ZNF43: variants seen among roughly 807,000 people sequenced by gnomAD.
The protein encoded by ZNF43 is zinc finger protein 43, also known as zinc finger protein 39-like 1 (KOX 27).
In ZNF43, 44 loss-of-function variants were observed where a neutral mutation model predicts 68.4. The observed-to-expected ratio is 0.64, with a 90% confidence interval of 0.51 to 0.83. ZNF43 has a LOEUF of 0.83. Among genes scored for constraint, ZNF43 ranks in the 40% least tolerant of loss-of-function variants. The pLI is 0.00. For missense variants in ZNF43, 896 were observed against 933.2 expected, an observed-to-expected ratio of 0.96 and a Z score of 0.52; for synonymous variants, 308 against 307.8, an observed-to-expected ratio of 1.00 and a Z score of -0.01.
chr19:21,846,165 C>T (rs867088562), intron 1 of ZNF43, among the ~76,000 whole-genome samples: 3 of 152,120 alleles, frequency 2.0e-5, no homozygotes, highest in Middle Eastern at 3.2e-3. Context: ...AGTCAGATAA[C>T]GTAGGAGCTG....
chr19:21,815,508 T>TATATATATATA (rs1568355553), intron 3 of ZNF43, among the ~76,000 whole-genome samples: 3 of 148,896 alleles, frequency 2.0e-5, no homozygotes, highest in African/African-American at 5.0e-5. Flanking sequence ...TATATATATA[T>TATATATATATA]TTTGCAGAAT....
At chr19:21,825,985 G>A (rs2038101495) in intron 1 of ZNF43, among the ~76,000 whole-genome samples, 1 of 152,140 alleles carries the variant, frequency 6.6e-6, no homozygotes, top group African/African-American at 2.4e-5. Flanking sequence ...AGAGGCAGAG[G>A]TTGCAGTAGG....
rs1249054100 is a variant in ZNF43 at position 21,805,976 on chromosome 19, A to AT, written c.*1630dup. ...AGTTATATTTACATGTAATCTAAAA[A>AT]TTTAAAAATGTACATTTAATTACAT... is the stretch of plus-strand genomic sequence containing the variant. On this transcript the variant is annotated 3_prime_UTR_variant, in exon 4 of 4. Transcript: ENST00000354959. 6.6e-6 allele frequency: 1 copy of AT among 152,178 alleles called. No homozygotes were observed. The highest frequency in any genetic ancestry group is 1.5e-5 in the Non-Finnish European group (1 of 68,048). 9.4% of individuals were successfully genotyped at this position (152,178 alleles called of 1,614,324 possible). A position where few individuals can be genotyped will look rare whatever the true frequency, so the allele number is the denominator to read the frequency against.
chr19:21,828,848 A>G (rs2038270943), intron 1 of ZNF43, among the ~76,000 whole-genome samples: 1 of 151,600 alleles, frequency 6.6e-6, no homozygotes, highest in South Asian at 2.1e-4. Context: ...CCTGGCTAAC[A>G]CGGTGAAACC....
chr19:21,836,148 A>G lies in ZNF43; in HGVS notation c.-110T>C, dbSNP rs1169344770. ...AGCAGCAGAGGACACAGAAGAACGA[A>G]GACGAGACGCAGAGCTCCAACTGCA... On this transcript the variant is annotated 5_prime_UTR_variant, in exon 1 of 4. Transcript: ENST00000354959. 3 of 1,582,294 alleles carry G rather than the reference A, an allele frequency of 1.9e-6. No homozygotes were observed. Among genetic ancestry groups the G allele is most frequent in the East Asian group, 4.5e-5 (2 of 44,570 alleles).
chr19:21,822,732 G>A (rs907232247), intron 1 of ZNF43, among the ~76,000 whole-genome samples: 16 of 152,008 alleles, frequency 1.1e-4, no homozygotes, highest in African/African-American at 3.9e-4. Flanking sequence ...GTGAACCCAG[G>A]AGGCGGAGCT....
rs1310761266 is a variant in ZNF43, at chr19:21,844,921, A to AAAAAATAT, written c.30+6983_30+6984insATATTTTT. ...CAAAAAAAAAAAAAAAAAAAAAAAAAATATATATATATATATATATATATA... is the reference window on the plus strand; with the variant it reads ...CAAAAAAAAAAAAAAAAAAAAAAAAAAAAAATATATATATATATATATATATATATATA... On this transcript the variant is annotated intron_variant, in intron 1 of 3. Coordinates refer to the ZNF43 transcript ENST00000357491. 1.6e-3 allele frequency among the ~76,000 whole-genome samples: 42 copies of AAAAAATAT among 26,044 alleles called. 2 individuals carry two copies. The highest frequency in any genetic ancestry group is 4.4e-3 in the African/African-American group (20 of 4,596). The allele number at this position is 26,044 out of a possible 152,430, so 17.1% of individuals were successfully genotyped here.
chr19:21,824,164 GC>G, intron 1 of ZNF43, among the ~76,000 whole-genome samples: 1 of 152,114 alleles, frequency 6.6e-6, no homozygotes, highest in Non-Finnish European at 1.5e-5. Context: ...CCAGCCCAGG[GC>G]GACAGTGAGA....
chr19:21,826,064 A>G (rs1294318097), intron 1 of ZNF43, among the ~76,000 whole-genome samples: 1 of 152,158 alleles, frequency 6.6e-6, no homozygotes. Context: ...AATAAAAAAT[A>G]ATAAATGAAG....
In ZNF43 at chr19:21,834,798, AAAG is replaced by A. The variant is rs1043157608; in HGVS notation, c.3+1235_3+1237del. ...GAAGGAAGGAAGGAAGGAAGGAAAG[AAAG>A]AAGAAGGAAAGAAGAAAGGAAAATT... On this transcript the variant is annotated intron_variant, in intron 1 of 3. Transcript: ENST00000354959. Among the ~76,000 whole-genome samples, 9 of 151,918 alleles carry A rather than the reference AAAG, an allele frequency of 5.9e-5. No individual in the cohort carries two copies. The South Asian group carries it at 6.2e-4, about 11-fold the overall frequency.
At chr19:21,830,519 A>G (rs193153848) in intron 1 of ZNF43, among the ~76,000 whole-genome samples, 3 of 151,676 alleles carry the variant, frequency 2.0e-5, no homozygotes, top group African/African-American at 7.2e-5. Flanking sequence ...AATCTAGAAT[A>G]GATCAATTCC....
intron 1 of ZNF43, among the ~76,000 whole-genome samples, chr19:21,828,901 C>T (rs980110584): frequency 3.3e-5 from 5 of 151,540 alleles, no homozygotes; most frequent in South Asian, 2.1e-4. Flanking sequence ...GGTGCCCTGG[C>T]GGGCGCCTAT....
rs756748807 is a variant in ZNF43, at chr19:21,809,008, T to G, written c.1029A>C (p.Thr343=). ...TAAAGGCTTTGCCACATTCTTCACA[T>G]GTGTAGGGTTTCTCTCCAGTATGAA... The part of the protein sequence containing the change: ...KRIHTGEKPY[T]CEECGKAFNQ... Residue 343 remains threonine (T), a synonymous_variant, in exon 4 of 4, where the codon ACA becomes ACC. Coordinates refer to ENST00000354959, the MANE Select transcript of ZNF43 (RefSeq NM_003423.4). The G allele has an allele frequency of 1.3e-5, 21 of 1,613,580 alleles. No homozygotes were observed. In the South Asian group the frequency reaches 2.1e-4, roughly 16 times the overall value.
In ZNF43 at chr19:21,808,441, ATGAGT is replaced by A. The variant is rs1324726271; in HGVS notation, c.1591_1595del (p.Thr531TyrfsTer9). The A allele has an allele frequency of 1.9e-6, 3 of 1,612,912 alleles. No individual in the cohort carries two copies. The African/African-American group carries it at 4.0e-5, about 22-fold the overall frequency. ...CACATTTGTAGGGTTTCTCTCCAGT[ATGAGT>A]TATCTTATGTTCAGTAAGCTTTGAG... On this transcript the variant is annotated frameshift_variant, in exon 4 of 4. Transcript: ENST00000354959. LOFTEE classifies it high-confidence loss of function.
intron 1 of ZNF43, among the ~76,000 whole-genome samples, chr19:21,835,534 T>A (rs2145350012): frequency 6.6e-6 from 1 of 151,554 alleles, no homozygotes; most frequent in South Asian, 2.1e-4. Flanking sequence ...ATTTTTGTAT[T>A]TTTAGTATAG....
At position 21,816,864 on chromosome 19, in the gene ZNF43, C is replaced by T. The variant is rs1312315424; in HGVS notation, c.229+1024G>A. On this transcript the variant is annotated intron_variant, in intron 3 of 3. Transcript: ENST00000354959. Reference sequence around the variant, plus strand: ...AAGTCCAAAAATAAAATGGAAATTACAACTACCCAAGCCCCTTGTAACAAG... The same window carrying T: ...AAGTCCAAAAATAAAATGGAAATTATAACTACCCAAGCCCCTTGTAACAAG... Among the ~76,000 whole-genome samples, 4 of 152,282 alleles carry T rather than the reference C, an allele frequency of 2.6e-5. No homozygotes were observed. The Middle Eastern group carries it at 0.01, about 388-fold the overall frequency.
chr19:21,822,534 G>A (rs1362783142), intron 1 of ZNF43, among the ~76,000 whole-genome samples: 5 of 152,150 alleles, frequency 3.3e-5, no homozygotes, highest in Admixed American at 1.3e-4. Flanking sequence ...GGCCGGGCGC[G>A]GTGGCTCACG....
chr19:21,822,551 A>C (rs903365833), intron 1 of ZNF43, among the ~76,000 whole-genome samples: 1 of 151,914 alleles, frequency 6.6e-6, no homozygotes, highest in Non-Finnish European at 1.5e-5. Flanking sequence ...CACGCCTGTA[A>C]TCCCAGCACT....
At chr19:21,826,143 C>G (rs188906876) in intron 1 of ZNF43, among the ~76,000 whole-genome samples, 18 of 151,412 alleles carry the variant, frequency 1.2e-4, no homozygotes, top group Non-Finnish European at 1.0e-4. Flanking sequence ...GAAGCGACTA[C>G]AGTTAATTAC....
Sources: allele counts gnomAD v4.1 joint callset (sites outside exome capture counted in the v4.1 genomes callset), GRCh38; gene constraint gnomAD v4.1.1; transcripts MANE v1.5; gene names NCBI Gene and HGNC (gene_info 2026-07-23, HGNC 2026-07-21).